CYP3A7: variants seen among roughly 807,000 people sequenced by gnomAD.
The protein encoded by CYP3A7 is cytochrome P450 3A7.
A neutral mutation model predicts 55.2 loss-of-function variants in CYP3A7; 45 were observed. That is an observed-to-expected ratio of 0.82 (90% confidence interval 0.64 to 1.05). The LOEUF is 1.05. Ranked by LOEUF, CYP3A7 falls within the 50% of genes least tolerant of loss-of-function variation. The pLI is 0.00. For synonymous variants in CYP3A7, 180 were observed against 207.4 expected, an observed-to-expected ratio of 0.87 and a Z score of 1.13; for missense variants, 548 against 605.3, an observed-to-expected ratio of 0.91 and a Z score of 0.99.
rs767662931 is a variant in CYP3A7, at chr7:99,722,255, T to C, written c.218+41A>G. ...TCTGTGCAGTGGGGTAAACTCATCA[T>C]AGAAACAAGTCTATCCAATGGAATC... On this transcript the variant is annotated intron_variant, in intron 3 of 12. Coordinates refer to ENST00000336374, the MANE Select transcript of CYP3A7 (RefSeq NM_000765.5). 5 of 1,612,422 alleles carry C rather than the reference T, an allele frequency of 3.1e-6. No homozygotes were observed. The East Asian group carries it at 1.1e-4, about 36-fold the overall frequency.
chr7:99,733,404 A>G (rs1429582820), intron 1 of CYP3A7, among the ~76,000 whole-genome samples: 1 of 152,166 alleles, frequency 6.6e-6, no homozygotes, highest in African/African-American at 2.4e-5. Context: ...TGTTTGGTAG[A>G]GTAATGCTGC....
intron 9 of CYP3A7, 82 bp from the exon 10 acceptor site, chr7:99,710,974 A>G: frequency 6.2e-7 from 1 of 1,605,904 alleles, no homozygotes; most frequent in Non-Finnish European, 8.5e-7. Flanking sequence ...TCTAAGTGGA[A>G]CCTTCAAATC....
At chr7:99,721,779 G>A (rs1456526669) in intron 3 of CYP3A7, among the ~76,000 whole-genome samples, 7 of 152,106 alleles carry the variant, frequency 4.6e-5, no homozygotes, top group Non-Finnish European at 1.0e-4. Context: ...GTGTGCCTAT[G>A]TGTGTGATTA....
rs200357120 is a variant in CYP3A7 at position 99,709,103 on chromosome 7, C to T, written c.1185G>A (p.Met395Ile). 6.2e-7 allele frequency: 1 copy of T among 1,613,836 alleles called. No individual in the cohort carries two copies. Among genetic ancestry groups the T allele is most frequent in the Non-Finnish European group, 8.5e-7 (1 of 1,179,948 alleles). Residue 395 changes from methionine (M) to isoleucine (I), a missense_variant, in exon 11 of 13, where the codon ATG becomes ATA. Coordinates refer to ENST00000336374, the MANE Select transcript of CYP3A7 (RefSeq NM_000765.5). ...GMFIPKGVVV[M>I]IPSYVLHHDP... ...CATGATGAAGAACATAGCTTGGAAT[C>T]ATCACCACCACCCCTTTGGGAATAA... is the stretch of plus-strand genomic sequence containing the variant.
At chr7:99,707,192 C>T (rs1419597739) in intron 12 of CYP3A7, among the ~76,000 whole-genome samples, 1 of 152,104 alleles carries the variant, frequency 6.6e-6, no homozygotes, top group Non-Finnish European at 1.5e-5. Context: ...AGCTAGGCAC[C>T]TGGAAGGTGA....
chr7:99,711,135 G>A (rs1813734013), intron 9 of CYP3A7, among the ~76,000 whole-genome samples: 1 of 152,112 alleles, frequency 6.6e-6, no homozygotes, highest in Non-Finnish European at 1.5e-5. Context: ...TCCTCCTCGT[G>A]CCATCCCTGC....
chr7:99,708,068 C>T (rs1813590559), intron 11 of CYP3A7, 94 bp from the exon 12 acceptor site: 1 of 1,558,040 alleles, frequency 6.4e-7, no homozygotes, highest in Admixed American at 1.7e-5. Flanking sequence ...CACCCCTCTA[C>T]TAGCAGTACA....
chr7:99,707,627 A>G (rs947057679), intron 12 of CYP3A7, among the ~76,000 whole-genome samples, 185 bp downstream of exon 12: 12 of 152,200 alleles, frequency 7.9e-5, no homozygotes, highest in African/African-American at 2.9e-4. Flanking sequence ...GATGTTTTTA[A>G]TGCTACAGCT....
At chr7:99,730,977 T>C (rs750734925) in intron 2 of CYP3A7, 82 bp downstream of exon 2, 143 of 1,553,676 alleles carry the variant, frequency 9.2e-5, no homozygotes, top group Non-Finnish European at 9.8e-5. Context: ...ACCTTCCTCT[T>C]GAGGAGAAGC....
intron 5 of CYP3A7, 95 bp from the exon 6 acceptor site, chr7:99,717,360 T>A: frequency 6.2e-7 from 1 of 1,605,990 alleles, no homozygotes; most frequent in Non-Finnish European, 8.5e-7. Context: ...TAAGTGACAT[T>A]GTATAATGAA....
intron 1 of CYP3A7, among the ~76,000 whole-genome samples, chr7:99,734,605 C>CT (rs997971354): frequency 8.7e-5 from 13 of 149,982 alleles, no homozygotes; most frequent in South Asian, 2.1e-4. Context: ...CCTTGAAAAT[C>CT]TTTTTTTTTC....
intron 1 of CYP3A7, among the ~76,000 whole-genome samples, chr7:99,732,087 G>T (rs1814649626): frequency 6.6e-6 from 1 of 152,138 alleles, no homozygotes; most frequent in Non-Finnish European, 1.5e-5. Flanking sequence ...AGTGGGGCCT[G>T]ATAGATGGTG....
chr7:99,731,012 C>T, intron 2 of CYP3A7, 47 bp downstream of exon 2: 1 of 1,607,808 alleles, frequency 6.2e-7, no homozygotes, highest in Non-Finnish European at 8.5e-7. Context: ...AACTAAGTTG[C>T]TCTTTGCAAT....
rs372397957 is a variant in CYP3A7 at position 99,707,798 on chromosome 7, G to C, written c.1416+14C>G. On this transcript the variant is annotated intron_variant, in intron 12 of 12. Coordinates refer to ENST00000336374, the MANE Select transcript of CYP3A7 (RefSeq NM_000765.5). ...TTGTTAATAAAACATTATTAATGCA[G>C]AAAATTGACTGACCTGTGTTTCTTT... 3 of 1,613,666 alleles carry C rather than the reference G, an allele frequency of 1.9e-6. No individual in the cohort carries two copies. Among genetic ancestry groups the C allele is most frequent in the Non-Finnish European group, 2.5e-6 (3 of 1,179,720 alleles).
intron 3 of CYP3A7, among the ~76,000 whole-genome samples, chr7:99,721,561 G>A (rs183312915): frequency 1.3e-3 from 202 of 152,330 alleles, no homozygotes; most frequent in Non-Finnish European, 2.2e-3. Context: ...TGGACAGAAC[G>A]TGATGCTGGG....
chr7:99,706,557 T>G lies in CYP3A7; in HGVS notation c.1417-962A>C, dbSNP rs928654043. 2.0e-5 allele frequency among the ~76,000 whole-genome samples: 3 copies of G among 152,342 alleles called. No homozygotes were observed. The East Asian group carries it at 5.8e-4, about 29-fold the overall frequency. ...ATACATGAGACCTAGAAATAAGATTTATAGGGTCTTGCTTAATATGAATCA... is the reference window on the plus strand; with the variant it reads ...ATACATGAGACCTAGAAATAAGATTGATAGGGTCTTGCTTAATATGAATCA... On this transcript the variant is annotated intron_variant, in intron 12 of 12. Transcript: ENST00000336374.
chr7:99,706,702 G>A (rs998577677), intron 12 of CYP3A7, among the ~76,000 whole-genome samples: 8 of 152,212 alleles, frequency 5.3e-5, no homozygotes, highest in African/African-American at 1.7e-4. Context: ...AGACATGCAT[G>A]TGCACATGTG....
intron 3 of CYP3A7, 63 bp from the exon 4 acceptor site, chr7:99,720,475 C>G: frequency 1.3e-6 from 2 of 1,579,222 alleles, no homozygotes; most frequent in Non-Finnish European, 1.7e-6. Context: ...GGAGCCAAAC[C>G]CAGGAAGCCA....
intron 1 of CYP3A7, among the ~76,000 whole-genome samples, chr7:99,733,682 C>G (rs1814716531): frequency 6.6e-6 from 1 of 152,120 alleles, no homozygotes; most frequent in African/African-American, 2.4e-5. Flanking sequence ...CTTCAAGTGA[C>G]CTCCACTAGG....
Sources: gnomAD v4.1 joint callset for allele counts (sites outside exome capture counted in the v4.1 genomes callset) on GRCh38, gnomAD v4.1.1 for gene constraint, MANE v1.5 for transcripts, NCBI Gene and HGNC (gene_info 2026-07-23, HGNC 2026-07-21) for gene names.